The following SNX21 variants were observed in gnomAD, a reference collection of about 807,000 sequenced individuals.
The protein encoded by SNX21 is sorting nexin family member 21, also known as sorting nexin-21.
A neutral mutation model predicts 30.9 loss-of-function variants in SNX21; 36 were observed. That is an observed-to-expected ratio of 1.16 (90% confidence interval 0.89 to 1.54). The LOEUF (loss-of-function observed/expected upper bound fraction) is 1.54. Among genes scored for constraint, SNX21 ranks in the 40% most tolerant of loss-of-function variants. SNX21 has a pLI of 0.00. For synonymous variants in SNX21, 218 were observed against 222.7 expected, an observed-to-expected ratio of 0.98 and a Z score of 0.19; for missense variants, 508 against 516.5, an observed-to-expected ratio of 0.98 and a Z score of 0.16.
At chr20:45,838,774 G>C (rs957292459) in intron 3 of SNX21, among the ~76,000 whole-genome samples, 1 of 151,996 alleles carries the variant, frequency 6.6e-6, no homozygotes, top group East Asian at 1.9e-4. Flanking sequence ...AAATAAGTAA[G>C]TAGTGAAAAT....
chr20:45,834,929 C>T, intron 2 of SNX21, 30 bp from the exon 3 acceptor site: 1 of 1,606,750 alleles, frequency 6.2e-7, no homozygotes, highest in Non-Finnish European at 8.5e-7. Flanking sequence ...GGCCCTAGGC[C>T]CATTGATATG....
chr20:45,841,036 C>T lies in SNX21; in HGVS notation c.845C>T (p.Pro282Leu), dbSNP rs764793098. 22 of 1,609,452 alleles carry T rather than the reference C, an allele frequency of 1.4e-5. No individual in the cohort carries two copies. In the Admixed American group the frequency reaches 3.7e-4, roughly 27 times the overall value. ...GGCACCCCCTCTGGCCCAGACCGCC[C>T]CCTGCTGACCCTGGCTGGGCTGGCC... ...QLGTPSGPDR[P>L]LLTLAGLAVC... The change falls in exon 4 of 4, where the codon CCC (proline) becomes CTC (leucine). Residue 282 changes from proline to leucine, a missense_variant. Transcript: ENST00000491381.
At position 45,834,239 on chromosome 20, in the gene SNX21, C is replaced by T. The variant is rs866143407; in HGVS notation, c.60C>T (p.His20=). 1.9e-6 allele frequency: 3 copies of T among 1,566,984 alleles called. No individual in the cohort carries two copies. The Middle Eastern group carries it at 5.1e-4, about 266-fold the overall frequency. ...CCCGGCTCCTGCACCGGCTGCGGCA[C>T]GCCTTGGCCGGCGACGGCCCCGGGG... ...MASRLLHRLR[H]ALAGDGPGEA... is the part of the protein sequence containing the mutation. Residue 20 remains histidine (H), a synonymous_variant, in exon 2 of 4, where the codon CAC becomes CAT. Transcript: ENST00000491381.
At position 45,841,769 on chromosome 20, in the gene SNX21, T is replaced by C; in HGVS notation, c.*456T>C. 6.7e-7 allele frequency: 1 copy of C among 1,495,050 alleles called. No homozygotes were observed. The highest frequency in any genetic ancestry group is 2.3e-5 in the East Asian group (1 of 42,760). 92.6% of individuals were successfully genotyped at this position (1,495,050 alleles called of 1,614,324 possible). ...TGGATGTGAGGGCCAAAAGGGACTG[T>C]AACTCCTGTCTCAGGAATGGGGATA... On this transcript the variant is annotated 3_prime_UTR_variant, in exon 4 of 4. Transcript: ENST00000491381.
chr20:45,840,396 G>A (rs199995833), intron 3 of SNX21: 34 of 1,614,076 alleles, frequency 2.1e-5, no homozygotes, highest in Non-Finnish European at 2.8e-5. Flanking sequence ...GGGCACTGAA[G>A]CTCATCTCTG....
At chr20:45,840,113 A>G (rs1285872072) in intron 3 of SNX21, 1 of 984,660 alleles carries the variant, frequency 1.0e-6, no homozygotes. Context: ...GGAGTAGCTG[A>G]CCTGGGGTTA....
rs781248997 is a variant in SNX21 at position 45,834,965 on chromosome 20, G to GC, written c.302dup (p.Pro102ThrfsTer2). ...ACTGGTCATGTGTCTGCAGAACGGAGCCCCCCACCTGATGGGCAGTGGGGC... is the reference window on the plus strand; with the variant it reads ...ACTGGTCATGTGTCTGCAGAACGGAGCCCCCCCACCTGATGGGCAGTGGGGC... On this transcript the variant is annotated frameshift_variant, in exon 3 of 4. Coordinates refer to ENST00000491381, the MANE Select transcript of SNX21 (RefSeq NM_033421.4). LOFTEE classifies it high-confidence loss of function. 6 of 1,613,470 alleles carry GC rather than the reference G, an allele frequency of 3.7e-6. No individual in the cohort carries two copies. The highest frequency in any genetic ancestry group is 2.7e-5 in the African/African-American group (2 of 74,934).
chr20:45,834,788 G>A (rs1983373456), intron 2 of SNX21, 171 bp from the exon 3 acceptor site: 5 of 841,182 alleles, frequency 5.9e-6, no homozygotes, highest in Non-Finnish European at 9.3e-6. Context: ...AGCCCCTACT[G>A]TCTGCCAGGC....
At position 45,841,272 on chromosome 20, in the gene SNX21, C is replaced by A; in HGVS notation, c.1081C>A (p.Pro361Thr). The change falls in exon 4 of 4, where the codon CCC becomes ACC. Residue 361 changes from proline (P) to threonine (T), a missense_variant. Physicochemically the swap from Pro to Thr is conservative, Grantham distance 38. Coordinates refer to ENST00000491381, the MANE Select transcript of SNX21 (RefSeq NM_033421.4). ...QEAGLTPTPP[P>T]SLKELLIKEV... The stretch of plus-strand genomic sequence containing the variant: ...GGCAGGCCTTACCCCCACACCACCC[C>A]CCAGTCTCAAAGAATTGCTCATCAA... The A allele has an allele frequency of 6.3e-7, 1 of 1,588,228 alleles. No homozygotes were observed. Among genetic ancestry groups the A allele is most frequent in the South Asian group, 1.1e-5 (1 of 87,388 alleles).
At chr20:45,837,123 T>C (rs562710639) in intron 3 of SNX21, among the ~76,000 whole-genome samples, 118 of 152,310 alleles carry the variant, frequency 7.7e-4, no homozygotes, top group African/African-American at 2.6e-3. Context: ...GGGTAAATGC[T>C]TGGGTAATGG....
chr20:45,842,265 A>G lies in SNX21; in HGVS notation c.*952A>G. ...TTATTATGGACCGTCATTGAGGGGT[A>G]ACTCCTCCCACAGGAACCCCAGTTG... On this transcript the variant is annotated 3_prime_UTR_variant, in exon 4 of 4. Coordinates refer to ENST00000491381, the MANE Select transcript of SNX21 (RefSeq NM_033421.4). The G allele has an allele frequency of 7.0e-7, 1 of 1,431,184 alleles. No individual in the cohort carries two copies. The highest frequency in any genetic ancestry group is 2.9e-5 in the Admixed American group (1 of 34,518). 88.7% of individuals were successfully genotyped at this position (1,431,184 alleles called of 1,614,324 possible).
rs368111029 is a variant in SNX21, at chr20:45,841,931, C to T, written c.*618C>T. On this transcript the variant is annotated 3_prime_UTR_variant, in exon 4 of 4. Coordinates refer to ENST00000491381, the MANE Select transcript of SNX21 (RefSeq NM_033421.4). ...GGACTCCATCCTGACGCCACAGCCG[C>T]CCATGGACCAGCCCCCGAGAGCCAC... is the stretch of plus-strand genomic sequence containing the variant. 7 of 1,613,248 alleles carry T rather than the reference C, an allele frequency of 4.3e-6. No homozygotes were observed. The highest frequency in any genetic ancestry group is 5.9e-6 in the Non-Finnish European group (7 of 1,179,974).
Position 45,840,277 on chromosome 20 carries a change from C to G in SNX21, c.448-362C>G, listed in dbSNP as rs186120582. On this transcript the variant is annotated intron_variant, in intron 3 of 3. Transcript: ENST00000491381. ...AAGCTCCAAGCTGGTCCTAAAGGAG[C>G]CCCAAGAGATTGGCTGGGGTTTCAG... 2.8e-5 allele frequency: 42 copies of G among 1,493,762 alleles called. No individual in the cohort carries two copies. The Admixed American group carries it at 9.2e-4, about 33-fold the overall frequency. The allele number at this position is 1,493,762 out of a possible 1,614,324, so 92.5% of individuals were successfully genotyped here.
At position 45,841,445 on chromosome 20, in the gene SNX21, G is replaced by A; in HGVS notation, c.*132G>A. On this transcript the variant is annotated 3_prime_UTR_variant, in exon 4 of 4. Transcript: ENST00000491381. ...GCCCCTAGAAGTTCCAAAAGAGAAT[G>A]TGAAGCAGATCAAGGAAACTTCTGT... The A allele has an allele frequency of 6.9e-7, 1 of 1,446,668 alleles. No homozygotes were observed. Among genetic ancestry groups the A allele is most frequent in the South Asian group, 1.6e-5 (1 of 62,964 alleles). The allele number at this position is 1,446,668 out of a possible 1,614,324, so 89.6% of individuals were successfully genotyped here.
chr20:45,841,402 CTGCAGAGGG>C lies in SNX21; in HGVS notation c.*93_*101del. ...TGATGAGAACAGAATAGCTGGGAGG[CTGCAGAGGG>C]TGCTGGGAGCCCCTAGAAGTTCCAA... On this transcript the variant is annotated 3_prime_UTR_variant, in exon 4 of 4. Transcript: ENST00000491381. 1 of 1,489,810 alleles carries C rather than the reference CTGCAGAGGG, an allele frequency of 6.7e-7. No individual in the cohort carries two copies. Among genetic ancestry groups the C allele is most frequent in the South Asian group, 1.4e-5 (1 of 69,322 alleles). The allele number at this position is 1,489,810 out of a possible 1,614,324, so 92.3% of individuals were successfully genotyped here. A position where few individuals can be genotyped will look rare whatever the true frequency, so the allele number is the denominator to read the frequency against.
rs1037826222 is a variant in SNX21 at position 45,842,647 on chromosome 20, A to G, written c.*1334A>G. ...ATGATTGCTGGTTTCCCTTACACAT[A>G]GCAGAGCTCACTCAGTTCTCACAGT... On this transcript the variant is annotated 3_prime_UTR_variant, in exon 4 of 4. Coordinates refer to ENST00000491381, the MANE Select transcript of SNX21 (RefSeq NM_033421.4). The G allele has an allele frequency of 3.0e-6, 3 of 991,500 alleles. No homozygotes were observed. The highest frequency in any genetic ancestry group is 5.7e-5 in the Admixed American group (1 of 17,604). The allele number at this position is 991,500 out of a possible 1,614,324, so 61.4% of individuals were successfully genotyped here.
chr20:45,835,160 T>C (rs746044472), intron 3 of SNX21, 44 bp downstream of exon 3: 2 of 1,562,144 alleles, frequency 1.3e-6, no homozygotes, highest in South Asian at 1.2e-5. Context: ...TCCAGAAGTA[T>C]GGCTAGGAGC....
intron 3 of SNX21, among the ~76,000 whole-genome samples, chr20:45,839,482 C>T (rs1480502380): frequency 2.0e-5 from 3 of 151,774 alleles, no homozygotes; most frequent in Non-Finnish European, 4.4e-5. Context: ...TGCCACTGTA[C>T]TCCAGCACTC....
At chr20:45,839,770 G>A (rs1983878409) in intron 3 of SNX21, among the ~76,000 whole-genome samples, 1 of 151,692 alleles carries the variant, frequency 6.6e-6, no homozygotes, top group Non-Finnish European at 1.5e-5. Context: ...ATAGCTGAGT[G>A]TGGTGGTGCA....
Sources: allele counts gnomAD v4.1 joint callset (sites outside exome capture counted in the v4.1 genomes callset), GRCh38; gene constraint gnomAD v4.1.1; transcripts MANE v1.5; gene names NCBI Gene and HGNC (gene_info 2026-07-23, HGNC 2026-07-21).